PTPRD: variants seen among roughly 807,000 people sequenced by gnomAD.
PTPRD encodes the protein protein tyrosine phosphatase receptor type D, also known as receptor-type tyrosine-protein phosphatase delta.
A neutral mutation model predicts 214.5 loss-of-function variants in PTPRD; 34 were observed. The ratio of observed to expected loss-of-function variants is 0.16; its 90% CI spans 0.12 to 0.21. The LOEUF is 0.21. Among genes scored for constraint, PTPRD ranks in the 10% least tolerant of loss-of-function variants. The pLI is 1.00. For synonymous variants in PTPRD, 1,128 were observed against 845.7 expected (o/e 1.33, Z -5.79); for missense variants, 2,545 against 2,398.7 (o/e 1.06, Z -1.27).
Position 10,060,908 on chromosome 9 carries a change from CTTTCTTTCTTTCTT to C in PTPRD, c.-544-27132_-544-27119del, listed in dbSNP as rs2097763573. ...TCCTTCCTTCCTTCCTTCTTTCTTT[CTTTCTTTCTTTCTT>C]TCTTTCTTTCTTTCTTTCTTTCTTT... On this transcript the variant is annotated intron_variant, in intron 3 of 45. Transcript: ENST00000381196. 4.2e-5 allele frequency among the ~76,000 whole-genome samples: 4 copies of C among 95,316 alleles called. 1 individual carries two copies. The highest frequency in any genetic ancestry group is 3.5e-4 in the African/African-American group (4 of 11,342). 62.5% of individuals were successfully genotyped at this position (95,316 alleles called of 152,430 possible). A position where few individuals can be genotyped will look rare whatever the true frequency, so the allele number is the denominator to read the frequency against.
intron 2 of PTPRD, among the ~76,000 whole-genome samples, chr9:10,557,240 TTC>T (rs1252634452): frequency 1.3e-5 from 2 of 152,096 alleles, no homozygotes; most frequent in Non-Finnish European, 2.9e-5. Flanking sequence ...TGTTTTCTGC[TTC>T]TCTTTTTCTC....
At chr9:8,979,455 T>C (rs575414028) in intron 11 of PTPRD, among the ~76,000 whole-genome samples, 1 of 152,148 alleles carries the variant, frequency 6.6e-6, no homozygotes, top group South Asian at 2.1e-4. Flanking sequence ...TGGTAACCTA[T>C]GAAGTGGAAA....
At position 8,655,476 on chromosome 9, in the gene PTPRD, T is replaced by C. The variant is rs147003133; in HGVS notation, c.65-18632A>G. Among the ~76,000 whole-genome samples, 233 of 152,330 alleles carry C rather than the reference T, an allele frequency of 1.5e-3. 1 individual carries two copies. Among genetic ancestry groups the C allele is most frequent in the Middle Eastern group, 3.4e-3 (1 of 294 alleles). On this transcript the variant is annotated intron_variant, in intron 12 of 45. Coordinates refer to ENST00000381196, the MANE Select transcript of PTPRD (RefSeq NM_002839.4). The stretch of plus-strand genomic sequence containing the variant: ...CCCCTGAATAATAAAAAGCATTTTC[T>C]GGAAATAGTGTGCCTCATTTTACCA...
intron 39 of PTPRD, among the ~76,000 whole-genome samples, chr9:8,366,392 T>A (rs187487331): frequency 2.1e-4 from 32 of 152,200 alleles, no homozygotes; most frequent in Non-Finnish European, 3.8e-4. Flanking sequence ...GAGAAGAATT[T>A]TGGGGGGAAG....
rs573725128 is a variant in PTPRD, at chr9:8,451,711, T to C, written c.3876-1874A>G. Among the ~76,000 whole-genome samples the C allele has an allele frequency of 2.6e-5, 4 of 152,334 alleles. No individual in the cohort carries two copies. In the East Asian group the frequency reaches 7.7e-4, roughly 29 times the overall value. ...GTCTTCTCACTTCAAATAATACCAA[T>C]GGCCCTTCTCATGTTTTGATCATTT... On this transcript the variant is annotated intron_variant, in intron 33 of 45. Transcript: ENST00000381196.
chr9:8,809,955 G>C (rs947273417), intron 11 of PTPRD, among the ~76,000 whole-genome samples: 14 of 152,172 alleles, frequency 9.2e-5, no homozygotes, highest in Admixed American at 5.2e-4. Flanking sequence ...CGCTCTTGCA[G>C]AACTATCACC....
chr9:8,340,500 A>C (rs775455908), intron 41 of PTPRD, 31 bp from the exon 42 acceptor site: 1 of 1,533,746 alleles, frequency 6.5e-7, no homozygotes, highest in South Asian at 1.3e-5. Context: ...AGAATGTGTT[A>C]AAGTATTTAG....
chr9:9,644,520 G>A (rs781001615), intron 7 of PTPRD, among the ~76,000 whole-genome samples: 1 of 152,278 alleles, frequency 6.6e-6, no homozygotes, highest in African/African-American at 2.4e-5. Context: ...CAGCTATGAA[G>A]CAATGAAAAT....
At position 8,977,665 on chromosome 9, in the gene PTPRD, A is replaced by ATTT. The variant is rs34223430; in HGVS notation, c.-104+41029_-104+41031dup. The stretch of plus-strand genomic sequence containing the variant: ...TCTATACTATTCTGTAACAAGGAGA[A>ATTT]TTTTTTTTTTTTTTTTTGCTAGTCC... On this transcript the variant is annotated intron_variant, in intron 11 of 45. Coordinates refer to ENST00000381196, the MANE Select transcript of PTPRD (RefSeq NM_002839.4). 3.1e-3 allele frequency among the ~76,000 whole-genome samples: 437 copies of ATTT among 141,604 alleles called. 4 individuals are homozygous for ATTT. The highest frequency in any genetic ancestry group is 2.8e-3 in the Admixed American group (39 of 14,096). 92.9% of individuals were successfully genotyped at this position (141,604 alleles called of 152,430 possible).
At chr9:9,981,861 GTCTC>G (rs1218753647) in intron 4 of PTPRD, among the ~76,000 whole-genome samples, 1 of 151,820 alleles carries the variant, frequency 6.6e-6, no homozygotes, top group African/African-American at 2.4e-5. Flanking sequence ...TTTAATATCT[GTCTC>G]TTTCTTTTAG....
intron 10 of PTPRD, among the ~76,000 whole-genome samples, chr9:9,051,625 T>C (rs914357003): frequency 6.6e-6 from 1 of 152,086 alleles, no homozygotes; most frequent in African/African-American, 2.4e-5. Context: ...GCCTAAGCCA[T>C]TTAGAAAGCA....
chr9:8,356,939 C>T (rs889926265), intron 39 of PTPRD, among the ~76,000 whole-genome samples: 2 of 152,052 alleles, frequency 1.3e-5, no homozygotes, highest in African/African-American at 4.8e-5. Context: ...CTCAAAAGCA[C>T]TAAAATATAT....
At chr9:8,406,702 T>C (rs1436737197) in intron 35 of PTPRD, among the ~76,000 whole-genome samples, 1 of 152,230 alleles carries the variant, frequency 6.6e-6, no homozygotes, top group Non-Finnish European at 1.5e-5. Flanking sequence ...AATTCCTCTA[T>C]ATAACATGAG....
At chr9:10,514,283 T>C (rs2049258458) in intron 2 of PTPRD, among the ~76,000 whole-genome samples, 2 of 151,982 alleles carry the variant, frequency 1.3e-5, no homozygotes, top group Admixed American at 1.3e-4. Flanking sequence ...ATGTATTTTT[T>C]TTTATAAACT....
At chr9:10,270,732 T>A (rs1164679198) in intron 3 of PTPRD, among the ~76,000 whole-genome samples, 1 of 152,196 alleles carries the variant, frequency 6.6e-6, no homozygotes, top group Non-Finnish European at 1.5e-5. Flanking sequence ...CATTATTTCT[T>A]TCAAATATAC....
intron 2 of PTPRD, among the ~76,000 whole-genome samples, chr9:10,535,589 G>A (rs1043008141): frequency 3.3e-5 from 5 of 151,944 alleles, no homozygotes; most frequent in African/African-American, 1.2e-4. Flanking sequence ...CACAGCAAGA[G>A]TTTTTATAGC....
At chr9:9,112,742 T>C (rs553615491) in intron 10 of PTPRD, among the ~76,000 whole-genome samples, 173 of 152,254 alleles carry the variant, frequency 1.1e-3, no homozygotes, top group Non-Finnish European at 2.0e-3. Context: ...CTTAACAAAA[T>C]TGTGAGAGAA....
intron 11 of PTPRD, among the ~76,000 whole-genome samples, chr9:8,758,534 G>A (rs2094178159): frequency 6.6e-6 from 1 of 152,108 alleles, no homozygotes; most frequent in African/African-American, 2.4e-5. Context: ...CTAGAGAAAT[G>A]CTAGAATGAA....
chr9:10,422,683 TG>T (rs1193651007), intron 2 of PTPRD, among the ~76,000 whole-genome samples: 5 of 152,020 alleles, frequency 3.3e-5, no homozygotes, highest in African/African-American at 1.2e-4. Context: ...ACATTTATGC[TG>T]CCAACAGACA....
Sources: allele counts gnomAD v4.1 joint callset (sites outside exome capture counted in the v4.1 genomes callset), GRCh38; gene constraint gnomAD v4.1.1; transcripts MANE v1.5; gene names NCBI Gene and HGNC (gene_info 2026-07-23, HGNC 2026-07-21).